Variants in RPA1 observed in about 807,000 individuals in gnomAD.
RPA1 encodes replication protein A 70 kDa DNA-binding subunit.
Under a neutral mutation model 83.0 loss-of-function variants are expected in RPA1, and 49 were observed. The observed-to-expected ratio is 0.59, with a 90% CI of 0.47 to 0.75. RPA1 has a LOEUF of 0.75. Among genes scored for constraint, RPA1 ranks in the 30% least tolerant of loss-of-function variants. The pLI, the probability that RPA1 is intolerant of heterozygous loss-of-function variation, is 0.00. For synonymous variants in RPA1, 279 were observed against 281.8 expected (o/e 0.99, Z 0.10); for missense variants, 693 against 776.1 (o/e 0.89, Z 1.27).
At chr17:1,860,462 A>G (rs73284330) in intron 5 of RPA1, among the ~76,000 whole-genome samples, 1,907 of 152,178 alleles carry the variant, frequency 0.013, 55 homozygotes, top group African/African-American at 0.044. Context: ...TATACTTTCT[A>G]TTGCTAGCCG....
rs756754998 is a variant in RPA1 at position 1,853,208 on chromosome 17, G to A, written c.361+19G>A. 1.3e-4 allele frequency: 202 copies of A among 1,583,440 alleles called. No homozygotes were observed. Among genetic ancestry groups the A allele is most frequent in the Non-Finnish European group, 1.6e-4 (184 of 1,152,156 alleles). On this transcript the variant is annotated intron_variant, in intron 5 of 16. Coordinates refer to ENST00000254719, the MANE Select transcript of RPA1 (RefSeq NM_002945.5). Reference sequence around the variant, plus strand: ...AATGAAGGTAAAATGCTTTGGCGTAGGTTGTAGCACTCAAATGAATACCTC... The same window carrying A: ...AATGAAGGTAAAATGCTTTGGCGTAAGTTGTAGCACTCAAATGAATACCTC...
chr17:1,872,931 C>T (rs1305639690), intron 6 of RPA1, among the ~76,000 whole-genome samples: 3 of 152,112 alleles, frequency 2.0e-5, no homozygotes, highest in Non-Finnish European at 4.4e-5. Flanking sequence ...CGTCCTTGGC[C>T]TCCCAAAGTG....
intron 1 of RPA1, among the ~76,000 whole-genome samples, chr17:1,834,580 A>G (rs928821099): frequency 6.6e-6 from 1 of 152,246 alleles, no homozygotes; most frequent in African/African-American, 2.4e-5. Flanking sequence ...TTTGGGCAAG[A>G]GTCACATGAT....
intron 5 of RPA1, among the ~76,000 whole-genome samples, chr17:1,868,969 C>G (rs1475930259): frequency 1.3e-5 from 2 of 152,134 alleles, no homozygotes; most frequent in Non-Finnish European, 2.9e-5. Context: ...ATTAGTGTTA[C>G]TTATTATTGA....
chr17:1,895,828 G>A (rs1273866227), intron 16 of RPA1, among the ~76,000 whole-genome samples: 1 of 151,606 alleles, frequency 6.6e-6, no homozygotes, highest in Non-Finnish European at 1.5e-5. Context: ...GATTACAGGC[G>A]CCCGCCACCA....
intron 1 of RPA1, among the ~76,000 whole-genome samples, chr17:1,831,941 C>T (rs1022189882): frequency 1.3e-5 from 1 of 77,554 alleles, no homozygotes; most frequent in South Asian, 4.6e-4. Flanking sequence ...GAGTCTCACT[C>T]TTTCTCCCCA....
Position 1,888,561 on chromosome 17 carries a change from G to A in RPA1, c.1375-114G>A. 1.1e-5 allele frequency: 10 copies of A among 946,070 alleles called. No individual in the cohort carries two copies. In the South Asian group the frequency reaches 1.8e-4, roughly 17 times the overall value. 58.6% of individuals were successfully genotyped at this position (946,070 alleles called of 1,614,324 possible). A position where few individuals can be genotyped will look rare whatever the true frequency, so the allele number is the denominator to read the frequency against. On this transcript the variant is annotated intron_variant, in intron 13 of 16. Coordinates refer to ENST00000254719, the MANE Select transcript of RPA1 (RefSeq NM_002945.5). Reference sequence around the variant, plus strand: ...ATTCCCTGTGATCATGTGTAATCTTGAGGATGTAGAAACACTTACCACCTA... The same window carrying A: ...ATTCCCTGTGATCATGTGTAATCTTAAGGATGTAGAAACACTTACCACCTA...
intron 2 of RPA1, 128 bp downstream of exon 2, chr17:1,842,981 C>A: frequency 1.1e-6 from 1 of 873,698 alleles, no homozygotes; most frequent in Non-Finnish European, 1.9e-6. Flanking sequence ...AAAAAATAGG[C>A]CAGTCTACAT....
chr17:1,840,145 T>C (rs1911991629), intron 1 of RPA1, among the ~76,000 whole-genome samples: 1 of 152,020 alleles, frequency 6.6e-6, no homozygotes, highest in Admixed American at 6.6e-5. Flanking sequence ...GTTTGTTTGT[T>C]TGTTTTGAGA....
intron 4 of RPA1, among the ~76,000 whole-genome samples, chr17:1,846,690 G>C (rs1912272860): frequency 6.6e-6 from 1 of 152,102 alleles, no homozygotes; most frequent in African/African-American, 2.4e-5. Flanking sequence ...TTTCAACGAA[G>C]TTTTTCTGTG....
At chr17:1,877,785 G>A (rs564255837) in intron 8 of RPA1, among the ~76,000 whole-genome samples, 1 of 152,274 alleles carries the variant, frequency 6.6e-6, no homozygotes, top group South Asian at 2.1e-4. Context: ...CCTCGATATG[G>A]GAGTGGTTTT....
intron 3 of RPA1, among the ~76,000 whole-genome samples, 167 bp downstream of exon 3, chr17:1,844,165 C>G (rs1912168712): frequency 6.6e-6 from 1 of 152,140 alleles, no homozygotes; most frequent in Admixed American, 6.6e-5. Context: ...TAACAATAGA[C>G]TGGAGGTAGT....
At chr17:1,866,610 C>T (rs1913183810) in intron 5 of RPA1, among the ~76,000 whole-genome samples, 1 of 152,158 alleles carries the variant, frequency 6.6e-6, no homozygotes, top group African/African-American at 2.4e-5. Flanking sequence ...GGCCACTGCG[C>T]CCGGCCACCG....
At chr17:1,880,391 G>A in intron 11 of RPA1, 152 bp from the exon 12 acceptor site, 3 of 721,090 alleles carry the variant, frequency 4.2e-6, no homozygotes, top group Non-Finnish European at 6.8e-6. Flanking sequence ...GTGTCTCTGA[G>A]TAGATTCTCA....
intron 5 of RPA1, among the ~76,000 whole-genome samples, chr17:1,856,204 C>T (rs1462584523): frequency 2.0e-5 from 3 of 151,850 alleles, no homozygotes; most frequent in South Asian, 2.1e-4. Context: ...GCTCCTGCAC[C>T]TGTGGTCCCA....
intron 5 of RPA1, among the ~76,000 whole-genome samples, chr17:1,864,315 T>C (rs186179388): frequency 1.3e-5 from 2 of 152,344 alleles, no homozygotes; most frequent in Non-Finnish European, 2.9e-5. Context: ...GGTGGGCGAA[T>C]CACCTGAGGT....
chr17:1,856,099 C>T (rs1344706863), intron 5 of RPA1, among the ~76,000 whole-genome samples: 3 of 151,998 alleles, frequency 2.0e-5, no homozygotes, highest in Admixed American at 6.6e-5. Flanking sequence ...CGAGGCAAGC[C>T]GATCGCTTGC....
intron 13 of RPA1, among the ~76,000 whole-genome samples, chr17:1,886,911 C>T (rs1347540134): frequency 1.3e-5 from 2 of 152,072 alleles, no homozygotes; most frequent in African/African-American, 4.8e-5. Flanking sequence ...CATGTTGCCT[C>T]TGCCTCCCAA....
At chr17:1,896,976 TC>T in intron 16 of RPA1, 94 bp from the exon 17 acceptor site, 1 of 992,798 alleles carries the variant, frequency 1.0e-6, no homozygotes, top group Admixed American at 2.0e-5. Flanking sequence ...GTCTGTTCCC[TC>T]CCGCTGGGCT....
Sources: gnomAD v4.1 joint callset for allele counts (sites outside exome capture counted in the v4.1 genomes callset) on GRCh38, gnomAD v4.1.1 for gene constraint, MANE v1.5 for transcripts, NCBI Gene and HGNC (gene_info 2026-07-23, HGNC 2026-07-21) for gene names.